IMMP2L: variants seen among roughly 807,000 people sequenced by gnomAD.
IMMP2L encodes the protein mitochondrial inner membrane protease subunit 2.
A neutral mutation model predicts 19.3 loss-of-function variants in IMMP2L; 18 were observed. The ratio of observed to expected loss-of-function variants is 0.93; its 90% CI spans 0.64 to 1.38. The LOEUF (loss-of-function observed/expected upper bound fraction) is 1.38, where lower values mean the gene tolerates loss of function less well. IMMP2L is among the 40% of genes most tolerant of loss of function. The pLI, the probability that IMMP2L is intolerant of heterozygous loss-of-function variation, is 0.00. For missense variants in IMMP2L, 233 were observed against 218.2 expected, an observed-to-expected ratio of 1.07 and a Z score of -0.43; for synonymous variants, 76 against 73.0, an observed-to-expected ratio of 1.04 and a Z score of -0.21.
intron 3 of IMMP2L, among the ~76,000 whole-genome samples, chr7:111,182,489 C>A (rs1807814896): frequency 6.6e-6 from 1 of 151,918 alleles, no homozygotes; most frequent in Admixed American, 6.6e-5. Context: ...CTCAAGAAAG[C>A]ACTCAGCTTG....
intron 3 of IMMP2L, among the ~76,000 whole-genome samples, chr7:111,185,973 A>G (rs1192021661): frequency 6.6e-6 from 1 of 152,176 alleles, no homozygotes; most frequent in Non-Finnish European, 1.5e-5. Context: ...ACTACTTTGA[A>G]ACTATGATTG....
At chr7:111,228,674 T>C (rs915343137) in intron 3 of IMMP2L, among the ~76,000 whole-genome samples, 4 of 152,004 alleles carry the variant, frequency 2.6e-5, no homozygotes, top group Admixed American at 2.6e-4. Flanking sequence ...ATTTCCTCTA[T>C]TGGGCAATGG....
At chr7:111,510,540 A>G (rs1845348424) in intron 2 of IMMP2L, among the ~76,000 whole-genome samples, 1 of 152,104 alleles carries the variant, frequency 6.6e-6, no homozygotes, top group Admixed American at 6.5e-5. Flanking sequence ...CAAGAGCTCA[A>G]CCAGAAGCAT....
chr7:110,896,499 G>GGTGTTTGCATCATCTTC lies in IMMP2L; in HGVS notation c.306-9805_306-9804insGAAGATGATGCAAACAC, dbSNP rs1418110270. 7.3e-5 allele frequency among the ~76,000 whole-genome samples: 2 copies of GGTGTTTGCATCATCTTC among 27,524 alleles called. 1 individual carries two copies. Among genetic ancestry groups the GGTGTTTGCATCATCTTC allele is most frequent in the Non-Finnish European group, 1.1e-4 (2 of 18,180 alleles). 18.1% of individuals were successfully genotyped at this position (27,524 alleles called of 152,430 possible). On this transcript the variant is annotated intron_variant, in intron 4 of 5. Transcript: ENST00000405709. Reference sequence around the variant, plus strand: ...AAAAATATTTATCCATTTTCAATTGGATTGTTTGTCTTTTTTAAAAATCAT... The same window carrying GGTGTTTGCATCATCTTC: ...AAAAATATTTATCCATTTTCAATTGGGTGTTTGCATCATCTTCATTGTTTGTCTTTTTTAAAAATCAT...
At chr7:110,839,271 G>A (rs971702604) in intron 5 of IMMP2L, among the ~76,000 whole-genome samples, 4 of 151,942 alleles carry the variant, frequency 2.6e-5, no homozygotes, top group African/African-American at 7.2e-5. Flanking sequence ...ATGAACATTA[G>A]TAGAAACATC....
intron 5 of IMMP2L, among the ~76,000 whole-genome samples, chr7:110,738,600 G>A (rs1796794358): frequency 6.6e-6 from 1 of 152,166 alleles, no homozygotes; most frequent in South Asian, 2.1e-4. Context: ...AAGAATAATT[G>A]GTGTTTCCAC....
chr7:110,843,705 C>T (rs1467395285), intron 5 of IMMP2L, among the ~76,000 whole-genome samples: 1 of 152,082 alleles, frequency 6.6e-6, no homozygotes, highest in African/African-American at 2.4e-5. Context: ...AAATATAAAG[C>T]CATCAATGTG....
intron 1 of IMMP2L, among the ~76,000 whole-genome samples, chr7:111,537,975 G>C (rs1046318264): frequency 6.6e-6 from 1 of 151,636 alleles, no homozygotes; most frequent in Non-Finnish European, 1.5e-5. Context: ...TCTTTGTTTT[G>C]GCCAGCTTTA....
At position 111,562,428 on chromosome 7, in the gene IMMP2L, A is replaced by G. The variant is rs1223839080; in HGVS notation, c.-580T>C. The G allele has an allele frequency of 6.9e-6, 1 of 145,382 alleles. No homozygotes were observed. The highest frequency in any genetic ancestry group is 2.6e-5 in the African/African-American group (1 of 38,274). The allele number at this position is 145,382 out of a possible 1,614,324, so 9.0% of individuals were successfully genotyped here. On this transcript the variant is annotated 5_prime_UTR_variant, in exon 1 of 6. Transcript: ENST00000405709. ...ACCCCTGCCAGCCTCACAGCCCCCC[A>G]CCCGCCGCCGGACGCCGGGCGCCCG... is the stretch of plus-strand genomic sequence containing the variant.
At position 110,828,689 on chromosome 7, in the gene IMMP2L, T is replaced by C. The variant is rs1584955360; in HGVS notation, c.408+57904A>G. Among the ~76,000 whole-genome samples, 3 of 152,128 alleles carry C rather than the reference T, an allele frequency of 2.0e-5. No homozygotes were observed. In the South Asian group the frequency reaches 6.2e-4, roughly 32 times the overall value. On this transcript the variant is annotated intron_variant, in intron 5 of 5. Coordinates refer to ENST00000405709, the MANE Select transcript of IMMP2L (RefSeq NM_032549.4). Reference sequence around the variant, plus strand: ...TCTACTCTACACAAGATATATCACATGTAAAGTTCAATTATGAGTAAAACA... The same window carrying C: ...TCTACTCTACACAAGATATATCACACGTAAAGTTCAATTATGAGTAAAACA...
intron 5 of IMMP2L, among the ~76,000 whole-genome samples, chr7:110,784,649 A>T (rs1799951768): frequency 6.6e-6 from 1 of 151,822 alleles, no homozygotes; most frequent in Non-Finnish European, 1.5e-5. Context: ...TAAAAACAAA[A>T]CCTCTCAATG....
chr7:110,942,262 G>T (rs558628582), intron 4 of IMMP2L, among the ~76,000 whole-genome samples: 1 of 151,914 alleles, frequency 6.6e-6, no homozygotes, highest in Non-Finnish European at 1.5e-5. Flanking sequence ...ACAACCAAAT[G>T]CTGAACTTAA....
chr7:111,355,463 T>A (rs1584772514), intron 3 of IMMP2L, among the ~76,000 whole-genome samples: 1 of 151,768 alleles, frequency 6.6e-6, no homozygotes, highest in African/African-American at 2.4e-5. Context: ...TATTACTTAA[T>A]GTATAGAATC....
intron 5 of IMMP2L, among the ~76,000 whole-genome samples, chr7:110,687,056 C>T (rs1793166735): frequency 6.6e-6 from 1 of 152,104 alleles, no homozygotes; most frequent in East Asian, 1.9e-4. Flanking sequence ...ACAAGTTCTT[C>T]AGGGTGAATT....
chr7:110,773,451 C>CT (rs1799170606), intron 5 of IMMP2L, among the ~76,000 whole-genome samples: 1 of 152,058 alleles, frequency 6.6e-6, no homozygotes, highest in Admixed American at 6.6e-5. Flanking sequence ...TTATGAAATA[C>CT]TTCATATAGT....
At chr7:111,350,873 G>A (rs1383522054) in intron 3 of IMMP2L, among the ~76,000 whole-genome samples, 3 of 152,140 alleles carry the variant, frequency 2.0e-5, no homozygotes, top group East Asian at 1.9e-4. Flanking sequence ...GACCAAAACC[G>A]TGAATACTGT....
chr7:111,212,406 C>A (rs1287926709), intron 3 of IMMP2L, among the ~76,000 whole-genome samples: 1 of 152,110 alleles, frequency 6.6e-6, no homozygotes, highest in Non-Finnish European at 1.5e-5. Context: ...TCCAGGAGTT[C>A]ATGACCAGCC....
chr7:111,557,319 T>A (rs1208587719), intron 1 of IMMP2L, among the ~76,000 whole-genome samples: 1 of 152,100 alleles, frequency 6.6e-6, no homozygotes, highest in East Asian at 1.9e-4. Context: ...ACACATGGTA[T>A]AAGAAGTGTA....
At chr7:111,437,957 T>C (rs1837350898) in intron 3 of IMMP2L, among the ~76,000 whole-genome samples, 2 of 151,888 alleles carry the variant, frequency 1.3e-5, no homozygotes, top group Non-Finnish European at 2.9e-5. Context: ...TCCTCCCTAG[T>C]GGTGATGCAA....
Sources: allele counts gnomAD v4.1 joint callset (sites outside exome capture counted in the v4.1 genomes callset), GRCh38; gene constraint gnomAD v4.1.1; transcripts MANE v1.5; gene names NCBI Gene and HGNC (gene_info 2026-07-23, HGNC 2026-07-21).